The following ABLIM1 variants were observed in gnomAD, a reference collection of about 807,000 sequenced individuals.
The protein encoded by ABLIM1 is actin binding LIM protein 1.
Under a neutral mutation model 107.0 loss-of-function variants are expected in ABLIM1, and 40 were observed. The ratio of observed to expected loss-of-function variants is 0.37; its 90% CI spans 0.29 to 0.49. The LOEUF is 0.49. ABLIM1 is among the 20% of genes least tolerant of loss of function. The pLI is 0.97. For missense variants in ABLIM1, 857 were observed against 1,008.5 expected, an observed-to-expected ratio of 0.85 and a Z score of 2.04; for synonymous variants, 357 against 357.3, an observed-to-expected ratio of 1.00 and a Z score of 0.01.
intron 17 of ABLIM1, among the ~76,000 whole-genome samples, chr10:114,442,300 C>G (rs912340562): frequency 3.3e-5 from 5 of 152,146 alleles, no homozygotes; most frequent in African/African-American, 1.2e-4. Flanking sequence ...GATCTACCAG[C>G]CATCTACAGC....
intron 1 of ABLIM1, among the ~76,000 whole-genome samples, chr10:114,653,376 T>TA (rs35980324): frequency 0.4 from 59,959 of 149,874 alleles, 13,557 homozygotes; most frequent in East Asian, 0.63. Flanking sequence ...ACCCTGTCTC[T>TA]AAAAAAAAAA....
intron 1 of ABLIM1, among the ~76,000 whole-genome samples, chr10:114,642,828 CA>C (rs1463574768): frequency 6.6e-6 from 1 of 152,140 alleles, no homozygotes; most frequent in Non-Finnish European, 1.5e-5. Flanking sequence ...GAGAAAAACT[CA>C]GGCTAGCCTC....
chr10:114,689,490 T>C (rs2081025573), upstream of ABLIM1, among the ~76,000 whole-genome samples: 1 of 150,916 alleles, frequency 6.6e-6, no homozygotes, highest in African/African-American at 2.4e-5. Context: ...GCCTCCCGAG[T>C]AGCTGGGATT....
rs1181997369 is a variant in ABLIM1, at chr10:114,432,709, A to G, written c.*3551T>C. ...AAAGAACTGCTCCAGCCTCTGCCTC[A>G]GAAGAGGAAACTCAGCTTGGAGATG... On this transcript the variant is annotated 3_prime_UTR_variant, in exon 23 of 23. Coordinates refer to ENST00000533213, the MANE Select transcript of ABLIM1 (RefSeq NM_002313.7). 1.3e-5 allele frequency: 2 copies of G among 152,212 alleles called. No homozygotes were observed. The highest frequency in any genetic ancestry group is 2.9e-5 in the Non-Finnish European group (2 of 68,056). 9.4% of individuals were successfully genotyped at this position (152,212 alleles called of 1,614,324 possible).
intron 1 of ABLIM1, chr10:114,684,151 G>T (rs2080865202): frequency 3.6e-6 from 3 of 827,588 alleles, no homozygotes; most frequent in Non-Finnish European, 5.4e-6. Flanking sequence ...GAAATAGATT[G>T]TAAAACAATC....
intron 1 of ABLIM1, among the ~76,000 whole-genome samples, chr10:114,666,623 G>A (rs1049977467): frequency 6.6e-6 from 1 of 151,886 alleles, no homozygotes; most frequent in Admixed American, 6.6e-5. Flanking sequence ...CCTCAGGTGG[G>A]TTCTTATTGA....
At chr10:114,627,943 T>G (rs1020578051) in intron 1 of ABLIM1, among the ~76,000 whole-genome samples, 4 of 152,032 alleles carry the variant, frequency 2.6e-5, no homozygotes, top group Non-Finnish European at 5.9e-5. Context: ...GCCAACATGG[T>G]GAAACCCCAT....
At chr10:114,557,192 TA>T (rs1160242805) in intron 4 of ABLIM1, among the ~76,000 whole-genome samples, 1 of 152,182 alleles carries the variant, frequency 6.6e-6, no homozygotes, top group Non-Finnish European at 1.5e-5. Context: ...CCTGAGTATG[TA>T]ACCTTGAACT....
At chr10:114,474,939 C>T (rs958255590) in intron 8 of ABLIM1, among the ~76,000 whole-genome samples, 2 of 152,154 alleles carry the variant, frequency 1.3e-5, no homozygotes, top group Non-Finnish European at 2.9e-5. Flanking sequence ...CCTGCCACCA[C>T]GTAAGACATG....
At chr10:114,766,638 AC>A (rs1337704002) in intron 1 of ABLIM1, among the ~76,000 whole-genome samples, 2 of 152,160 alleles carry the variant, frequency 1.3e-5, no homozygotes, top group African/African-American at 4.8e-5. Context: ...TTCTGCACTA[AC>A]AGGTTTGGGT....
chr10:114,577,970 C>G (rs2072804894), intron 2 of ABLIM1, among the ~76,000 whole-genome samples: 1 of 152,114 alleles, frequency 6.6e-6, no homozygotes, highest in Non-Finnish European at 1.5e-5. Context: ...AGACTCTTCC[C>G]TCTCTTGCCT....
At position 114,658,145 on chromosome 10, in the gene ABLIM1, C is replaced by T. The variant is rs2079616321; in HGVS notation, c.56G>A (p.Ser19Asn). The T allele has an allele frequency of 6.2e-7, 1 of 1,614,054 alleles. No individual in the cohort carries two copies. Among genetic ancestry groups the T allele is most frequent in the Middle Eastern group, 1.7e-4 (1 of 6,060 alleles). The change falls in exon 1 of 23, where the codon AGC (serine) becomes AAC (asparagine). Residue 19 changes from serine (S) to asparagine (N), a missense_variant. Physicochemically the swap from Ser to Asn is conservative, Grantham distance 46. Coordinates refer to ENST00000533213, the MANE Select transcript of ABLIM1 (RefSeq NM_002313.7). ...CLGKLCSSEKSKVTSSERTSA... is the reference protein window; with the variant it reads ...CLGKLCSSEKNKVTSSERTSA... The stretch of plus-strand genomic sequence containing the variant: ...GGTTCTCTCAGATGAGGTGACTTTG[C>T]TTTTCTCAGAGCTGCACAATTTCCC...
chr10:114,603,346 A>G lies in ABLIM1; in HGVS notation c.245-1385T>C, dbSNP rs918437139. On this transcript the variant is annotated intron_variant, in intron 1 of 22. Transcript: ENST00000533213. Reference sequence around the variant, plus strand: ...ATCCATTACTAGCTAACTTCTGAGAAACAAGGTTCTTCTTGTGAGATTCTG... The same window carrying G: ...ATCCATTACTAGCTAACTTCTGAGAGACAAGGTTCTTCTTGTGAGATTCTG... Among the ~76,000 whole-genome samples the G allele has an allele frequency of 6.6e-5, 10 of 152,332 alleles. No individual in the cohort carries two copies. The East Asian group carries it at 1.9e-3, about 29-fold the overall frequency.
intron 1 of ABLIM1, among the ~76,000 whole-genome samples, chr10:114,647,086 C>T (rs2079041457): frequency 6.6e-6 from 1 of 152,130 alleles, no homozygotes; most frequent in African/African-American, 2.4e-5. Context: ...ACCCCTGCCT[C>T]CTGGGTTCAA....
At chr10:114,671,371 G>A (rs1022017282) in intron 1 of ABLIM1, among the ~76,000 whole-genome samples, 1 of 152,098 alleles carries the variant, frequency 6.6e-6, no homozygotes, top group Non-Finnish European at 1.5e-5. Flanking sequence ...CTAGTTTGGG[G>A]CTATTCTGGA....
At chr10:114,537,611 C>G (rs1353664690) in intron 6 of ABLIM1, among the ~76,000 whole-genome samples, 1 of 152,186 alleles carries the variant, frequency 6.6e-6, no homozygotes, top group African/African-American at 2.4e-5. Flanking sequence ...ACTGCCCTGA[C>G]CAGCTTGCAG....
intron 6 of ABLIM1, among the ~76,000 whole-genome samples, chr10:114,510,507 C>T (rs2061698318): frequency 6.6e-6 from 1 of 151,988 alleles, no homozygotes; most frequent in South Asian, 2.1e-4. Flanking sequence ...TTGTCTCATT[C>T]ATTTTTTGTA....
At chr10:114,554,683 G>A (rs567486886) in intron 4 of ABLIM1, among the ~76,000 whole-genome samples, 55 of 152,138 alleles carry the variant, frequency 3.6e-4, no homozygotes, top group Admixed American at 1.4e-3. Flanking sequence ...GTGACAGAGT[G>A]ACAGACTGAG....
chr10:114,456,094 G>C (rs1031101968), intron 12 of ABLIM1, among the ~76,000 whole-genome samples: 1 of 152,164 alleles, frequency 6.6e-6, no homozygotes, highest in African/African-American at 2.4e-5. Context: ...GATTACAGGC[G>C]TGAGCCACCG....
Sources: gnomAD v4.1 joint callset for allele counts (sites outside exome capture counted in the v4.1 genomes callset) on GRCh38, gnomAD v4.1.1 for gene constraint, MANE v1.5 for transcripts, NCBI Gene and HGNC (gene_info 2026-07-23, HGNC 2026-07-21) for gene names.